The following CARMIL1 variants were observed in gnomAD, a reference collection of about 807,000 sequenced individuals.
CARMIL1 encodes F-actin-uncapping protein LRRC16A.
A neutral mutation model predicts 177.1 loss-of-function variants in CARMIL1; 90 were observed. The ratio of observed to expected loss-of-function variants is 0.51; its 90% CI spans 0.43 to 0.61. The LOEUF (loss-of-function observed/expected upper bound fraction) is 0.61. CARMIL1 is among the 20% of genes least tolerant of loss of function. CARMIL1 has a pLI of 0.00. For missense variants in CARMIL1, 1,380 were observed against 1,667.0 expected (o/e 0.83, Z 3.00); for synonymous variants, 577 against 606.2 (o/e 0.95, Z 0.71).
intron 2 of CARMIL1, among the ~76,000 whole-genome samples, chr6:25,385,803 A>C (rs556058991): frequency 4.6e-5 from 7 of 152,324 alleles, no homozygotes; most frequent in Admixed American, 4.6e-4. Context: ...TCCAAGACTC[A>C]TTATTCCAGT....
chr6:25,392,973 G>A (rs980562292), intron 2 of CARMIL1, among the ~76,000 whole-genome samples: 4 of 151,792 alleles, frequency 2.6e-5, no homozygotes, highest in Non-Finnish European at 4.4e-5. Flanking sequence ...ATCTTTGTGT[G>A]CCTGTTATAT....
At chr6:25,384,950 C>G (rs1792003921) in intron 2 of CARMIL1, among the ~76,000 whole-genome samples, 1 of 152,204 alleles carries the variant, frequency 6.6e-6, no homozygotes, top group South Asian at 2.1e-4. Flanking sequence ...ATCCATTCAT[C>G]TATCCAAGCA....
chr6:25,316,426 T>C (rs926913723), intron 2 of CARMIL1, among the ~76,000 whole-genome samples: 1 of 150,234 alleles, frequency 6.7e-6, no homozygotes, highest in African/African-American at 2.4e-5. Context: ...CAGAGGGCTT[T>C]TTTTTTTTTT....
intron 2 of CARMIL1, among the ~76,000 whole-genome samples, chr6:25,396,328 G>A (rs1793383691): frequency 6.6e-6 from 1 of 151,458 alleles, no homozygotes; most frequent in South Asian, 2.1e-4. Flanking sequence ...AACCATCCTG[G>A]GAAAATAAAT....
At chr6:25,445,477 C>G (rs555201980) in intron 5 of CARMIL1, among the ~76,000 whole-genome samples, 1 of 152,032 alleles carries the variant, frequency 6.6e-6, no homozygotes, top group South Asian at 2.1e-4. Context: ...TTACTTTGCC[C>G]AGATGCATCA....
chr6:25,304,816 T>C (rs1332793989), intron 2 of CARMIL1, among the ~76,000 whole-genome samples: 1 of 152,240 alleles, frequency 6.6e-6, no homozygotes, highest in East Asian at 1.9e-4. Context: ...TTATTGAATG[T>C]CACAGTTTTA....
chr6:25,279,470 G>T lies in CARMIL1; in HGVS notation c.-326G>T. The T allele has an allele frequency of 2.3e-6, 1 of 438,964 alleles. No homozygotes were observed. Among genetic ancestry groups the T allele is most frequent in the Non-Finnish European group, 4.2e-6 (1 of 240,952 alleles). 27.2% of individuals were successfully genotyped at this position (438,964 alleles called of 1,614,324 possible). ...GGCCCAAGCCCCGCCGGGGACCAGC[G>T]AGCCGGGAGGAGGAGCAGGCGCCAC... is the stretch of plus-strand genomic sequence containing the variant. On this transcript the variant is annotated 5_prime_UTR_variant, in exon 1 of 37. Transcript: ENST00000329474.
At chr6:25,557,907 A>C (rs909189947) in intron 29 of CARMIL1, among the ~76,000 whole-genome samples, 1 of 152,226 alleles carries the variant, frequency 6.6e-6, no homozygotes, top group Non-Finnish European at 1.5e-5. Context: ...CAAGGAGAAC[A>C]GCAAAGAAAG....
At chr6:25,451,987 C>CGGGGGGGGGGGG in intron 8 of CARMIL1, 2 of 62,880 alleles carry the variant, frequency 3.2e-5, no homozygotes, top group Admixed American at 1.9e-4. Context: ...TAGCATCTTG[C>CGGGGGGGGGGGG]CCCCCCCTCC....
intron 22 of CARMIL1, among the ~76,000 whole-genome samples, chr6:25,517,902 A>T (rs2151070336): frequency 6.6e-6 from 1 of 152,348 alleles, no homozygotes; most frequent in South Asian, 2.1e-4. Flanking sequence ...TACTTCAGTA[A>T]CTAAAGCCTG....
At position 25,427,249 on chromosome 6, in the gene CARMIL1, A is replaced by G. The variant is rs773645373; in HGVS notation, c.249+689A>G. 7.3e-4 allele frequency among the ~76,000 whole-genome samples: 111 copies of G among 152,190 alleles called. 1 individual carries two copies. The highest frequency in any genetic ancestry group is 5.2e-3 in the Admixed American group (80 of 15,282). The stretch of plus-strand genomic sequence containing the variant: ...TTTGTTACCCAGGTAAATGTGTGCC[A>G]TGGTGGTTTGCTGCACCTATCCATC... On this transcript the variant is annotated intron_variant, in intron 4 of 36. Transcript: ENST00000329474.
At chr6:25,606,299 G>T in intron 35 of CARMIL1, 26 bp downstream of exon 35, 1 of 1,603,732 alleles carries the variant, frequency 6.2e-7, no homozygotes, top group Non-Finnish European at 8.5e-7. Context: ...TTAGGGAGTT[G>T]CATTGTGACC....
intron 29 of CARMIL1, chr6:25,563,846 C>A: frequency 1.0e-6 from 1 of 985,292 alleles, no homozygotes. Flanking sequence ...TATGAATCTA[C>A]CACTGAAATG....
At chr6:25,376,097 T>C (rs1790945216) in intron 2 of CARMIL1, among the ~76,000 whole-genome samples, 1 of 152,200 alleles carries the variant, frequency 6.6e-6, no homozygotes, top group Admixed American at 6.5e-5. Context: ...TATTATTTTT[T>C]GAGATGGAGT....
chr6:25,568,357 G>A (rs534281776), intron 29 of CARMIL1, among the ~76,000 whole-genome samples: 1 of 152,324 alleles, frequency 6.6e-6, no homozygotes, highest in East Asian at 1.9e-4. Flanking sequence ...AAACCTGAAG[G>A]AGTTGTAATA....
At chr6:25,397,035 G>C (rs992550988) in intron 2 of CARMIL1, among the ~76,000 whole-genome samples, 6 of 152,168 alleles carry the variant, frequency 3.9e-5, no homozygotes, top group African/African-American at 1.4e-4. Context: ...GCATCAAGGA[G>C]GAGGTTGTCA....
At chr6:25,377,581 C>G (rs1456339307) in intron 2 of CARMIL1, among the ~76,000 whole-genome samples, 2 of 152,152 alleles carry the variant, frequency 1.3e-5, no homozygotes, top group East Asian at 3.8e-4. Context: ...TGGGTACCAG[C>G]ACCAGTTCTG....
chr6:25,338,736 A>G (rs1262664406), intron 2 of CARMIL1, among the ~76,000 whole-genome samples: 1 of 152,180 alleles, frequency 6.6e-6, no homozygotes, highest in Admixed American at 6.5e-5. Flanking sequence ...TAAGTGGGCC[A>G]TTGATTCGGT....
intron 36 of CARMIL1, among the ~76,000 whole-genome samples, chr6:25,613,917 A>G (rs1816690531): frequency 6.6e-6 from 1 of 152,172 alleles, no homozygotes; most frequent in Non-Finnish European, 1.5e-5. Context: ...CTCCCAAGAA[A>G]GCATTTCAGA....
Sources: allele counts gnomAD v4.1 joint callset (sites outside exome capture counted in the v4.1 genomes callset), GRCh38; gene constraint gnomAD v4.1.1; transcripts MANE v1.5; gene names NCBI Gene and HGNC (gene_info 2026-07-23, HGNC 2026-07-21).